CFI: variants seen among roughly 807,000 people sequenced by gnomAD.
The protein encoded by CFI is complement factor I.
A neutral mutation model predicts 78.8 loss-of-function variants in CFI; 66 were observed. The observed-to-expected ratio is 0.84, with a 90% CI of 0.69 to 1.03. CFI has a LOEUF of 1.03. CFI is among the 50% of genes least tolerant of loss of function. The pLI is 0.00. For synonymous variants in CFI, 250 were observed against 232.6 expected (o/e 1.07, Z -0.68); for missense variants, 706 against 704.5 (o/e 1.00, Z -0.02).
chr4:109,766,323 G>A (rs979378940), intron 2 of CFI, among the ~76,000 whole-genome samples: 9 of 152,066 alleles, frequency 5.9e-5, no homozygotes, highest in African/African-American at 1.7e-4. Flanking sequence ...GAGTGGCACC[G>A]GCACTGAAGG....
intron 10 of CFI, among the ~76,000 whole-genome samples, chr4:109,748,297 G>A (rs1724725313): frequency 6.6e-6 from 1 of 152,126 alleles, no homozygotes; most frequent in Non-Finnish European, 1.5e-5. Context: ...GAACCTATAT[G>A]TACCAGGCAC....
intron 1 of CFI, among the ~76,000 whole-genome samples, chr4:109,779,015 C>T (rs2125841134): frequency 6.6e-6 from 1 of 152,286 alleles, no homozygotes; most frequent in East Asian, 1.9e-4. Context: ...GACAAACCCA[C>T]AGCCAATATC....
chr4:109,740,910 A>C lies in CFI; in HGVS notation c.1735T>G (p.Ser579Ala), dbSNP rs1247064439. 2 of 1,614,008 alleles carry C rather than the reference A, an allele frequency of 1.2e-6. No individual in the cohort carries two copies. The highest frequency in any genetic ancestry group is 3.3e-5 in the Admixed American group (2 of 60,020). ...TCACAATTTTATACATTGTACTGAGAAATAAAAGGCCTTCCTACATGGTAG... is the reference window on the plus strand; with the variant it reads ...TCACAATTTTATACATTGTACTGAGCAATAAAAGGCCTTCCTACATGGTAG... ...ISYHVGRPFI[S>A]QYNV The change falls in exon 13 of 13, where the codon TCT (serine) becomes GCT (alanine). Residue 579 changes from serine to alanine, a missense_variant. By Grantham distance (99) the Ser-to-Ala change is moderately conservative. Transcript: ENST00000394634.
At chr4:109,754,587 T>C (rs960228470) in intron 7 of CFI, among the ~76,000 whole-genome samples, 11 of 152,194 alleles carry the variant, frequency 7.2e-5, no homozygotes, top group Middle Eastern at 3.4e-3. Flanking sequence ...GATGAGGATA[T>C]GGCTGGGGAT....
At position 109,740,947 on chromosome 4, in the gene CFI, A is replaced by G; in HGVS notation, c.1698T>C (p.Phe566=). 1.9e-6 allele frequency: 3 copies of G among 1,614,200 alleles called. No individual in the cohort carries two copies. Among genetic ancestry groups the G allele is most frequent in the South Asian group, 2.2e-5 (2 of 91,092 alleles). The part of the protein sequence containing the change: ...PGVYTKVANY[F]DWISYHVGRP... The stretch of plus-strand genomic sequence containing the variant: ...TTCCTACATGGTAGCTAATCCAGTC[A>G]AAATAATTGGCCACTTTGGTGTAAA... The change falls in exon 13 of 13, where the codon TTT becomes TTC. Residue 566 remains phenylalanine, a synonymous_variant. Coordinates refer to ENST00000394634, the MANE Select transcript of CFI (RefSeq NM_000204.5).
Position 109,766,812 on chromosome 4 carries a change from A to T in CFI, c.70T>A (p.Ser24Thr), listed in dbSNP as rs142082904. 1.2e-6 allele frequency: 2 copies of T among 1,614,038 alleles called. No homozygotes were observed. Among genetic ancestry groups the T allele is most frequent in the Non-Finnish European group, 1.7e-6 (2 of 1,180,030 alleles). ...TTTTTCTCCACCAGATCCTCTTGAG[A>T]TGTATAAGTGACCTGTAAAATGCAA... is the stretch of plus-strand genomic sequence containing the variant. ...HLRFCKVTYTSQEDLVEKKCL... is the reference protein window; with the variant it reads ...HLRFCKVTYTTQEDLVEKKCL... The change falls in exon 2 of 13, where the codon TCT becomes ACT. Residue 24 changes from serine to threonine, a missense_variant. Coordinates refer to ENST00000394634, the MANE Select transcript of CFI (RefSeq NM_000204.5).
In CFI at chr4:109,749,266, C is replaced by G. The variant is rs761809946; in HGVS notation, c.1100G>C (p.Gly367Ala). The G allele has an allele frequency of 6.2e-7, 1 of 1,614,148 alleles. No homozygotes were observed. Among genetic ancestry groups the G allele is most frequent in the Admixed American group, 1.7e-5 (1 of 60,004 alleles). Reference sequence around the variant, plus strand: ...AATCCAACAGCCACCAATATAAATTCCCCCACAGGTGATTCCACTGGCATC... The same window carrying G: ...AATCCAACAGCCACCAATATAAATTGCCCCACAGGTGATTCCACTGGCATC... ...IKDASGITCG[G>A]IYIGGCWILT... Residue 367 changes from glycine (G) to alanine (A), a missense_variant, in exon 10 of 13, where the codon GGA (glycine) becomes GCA (alanine). By Grantham distance (60) the Gly-to-Ala change is moderately conservative. Coordinates refer to ENST00000394634, the MANE Select transcript of CFI (RefSeq NM_000204.5).
Position 109,740,808 on chromosome 4 carries a change from A to C in CFI, c.*85T>G. The C allele has an allele frequency of 2.7e-5, 34 of 1,267,706 alleles. No homozygotes were observed. Among genetic ancestry groups the C allele is most frequent in the Non-Finnish European group, 3.5e-5 (31 of 873,404 alleles). The allele number at this position is 1,267,706 out of a possible 1,614,324, so 78.5% of individuals were successfully genotyped here. On this transcript the variant is annotated 3_prime_UTR_variant, in exon 13 of 13. Coordinates refer to ENST00000394634, the MANE Select transcript of CFI (RefSeq NM_000204.5). ...GAGATTTGCTTCATTTTTCCCCCCT[A>C]GAGAATTATTAATTATACCGTTTTA...
intron 7 of CFI, among the ~76,000 whole-genome samples, chr4:109,755,212 T>C (rs1489879428): frequency 6.6e-6 from 1 of 152,118 alleles, no homozygotes; most frequent in Admixed American, 6.5e-5. Context: ...TTGGTTAATA[T>C]AAAAATTGAA....
At chr4:109,746,148 T>C (rs1327084327) in intron 11 of CFI, 74 bp downstream of exon 11, 1 of 1,520,626 alleles carries the variant, frequency 6.6e-7, no homozygotes, top group Non-Finnish European at 9.1e-7. Context: ...TGCTAGGAAA[T>C]TAGCTCCTAT....
intron 1 of CFI, among the ~76,000 whole-genome samples, chr4:109,774,083 T>TAGTAAA (rs1728924524): frequency 6.6e-6 from 1 of 152,248 alleles, no homozygotes; most frequent in South Asian, 2.1e-4. Context: ...AAAAAAATCT[T>TAGTAAA]TACTAATATT....
chr4:109,782,313 G>A lies in CFI; in HGVS notation c.58-15489C>T, dbSNP rs113872434. Among the ~76,000 whole-genome samples the A allele has an allele frequency of 5.3e-3, 802 of 151,324 alleles. 11 individuals are homozygous for A. Among genetic ancestry groups the A allele is most frequent in the African/African-American group, 0.019 (765 of 41,284 alleles). On this transcript the variant is annotated intron_variant, in intron 1 of 12. Transcript: ENST00000394634. The stretch of plus-strand genomic sequence containing the variant: ...CCAGAAAGCTCTAGAACTGATACAA[G>A]AATTTAGTAAAGTTTCTGGATACAA...
At chr4:109,797,242 G>A (rs1732165600) in intron 1 of CFI, among the ~76,000 whole-genome samples, 1 of 152,252 alleles carries the variant, frequency 6.6e-6, no homozygotes, top group Admixed American at 6.5e-5. Context: ...TAGATTCATG[G>A]AACAAAGTAG....
rs146560961 is a variant in CFI, at chr4:109,760,727, A to C, written c.659-91T>G. 2.8e-5 allele frequency: 22 copies of C among 782,802 alleles called. No individual in the cohort carries two copies. The East Asian group carries it at 5.1e-4, about 18-fold the overall frequency. The allele number at this position is 782,802 out of a possible 1,614,324, so 48.5% of individuals were successfully genotyped here. A position where few individuals can be genotyped will look rare whatever the true frequency, so the allele number is the denominator to read the frequency against. On this transcript the variant is annotated intron_variant, in intron 4 of 12. Coordinates refer to ENST00000394634, the MANE Select transcript of CFI (RefSeq NM_000204.5). ...TTTTTGGGATAATGGAGTCATTAAG[A>C]GAAAGTTAAACTTCAAAAAAATGTA...
chr4:109,767,548 C>T (rs1291888634), intron 1 of CFI, among the ~76,000 whole-genome samples: 1 of 151,188 alleles, frequency 6.6e-6, no homozygotes, highest in African/African-American at 2.4e-5. Flanking sequence ...TCATCACTGG[C>T]CATCAGAGAA....
chr4:109,755,513 C>T (rs918970509), intron 7 of CFI, among the ~76,000 whole-genome samples: 6 of 152,086 alleles, frequency 3.9e-5, no homozygotes, highest in African/African-American at 1.4e-4. Flanking sequence ...GAGGGCTCTT[C>T]CCTCATTAAT....
intron 12 of CFI, 170 bp downstream of exon 12, chr4:109,742,321 A>G (rs879717520): frequency 7.8e-6 from 5 of 638,314 alleles, no homozygotes; most frequent in Non-Finnish European, 8.5e-6. Context: ...TATTAGAGGA[A>G]GAAACCTGAG....
intron 11 of CFI, among the ~76,000 whole-genome samples, chr4:109,745,331 C>T (rs1724283666): frequency 6.6e-6 from 1 of 152,090 alleles, no homozygotes; most frequent in Admixed American, 6.6e-5. Context: ...GCTGGGACTA[C>T]AGGTACACAC....
intron 11 of CFI, among the ~76,000 whole-genome samples, chr4:109,744,937 T>C (rs1724229362): frequency 1.3e-5 from 2 of 152,196 alleles, no homozygotes; most frequent in South Asian, 4.1e-4. Flanking sequence ...CACAATACTC[T>C]CTTGATGAAT....
Sources: allele counts gnomAD v4.1 joint callset (sites outside exome capture counted in the v4.1 genomes callset), GRCh38; gene constraint gnomAD v4.1.1; transcripts MANE v1.5; gene names NCBI Gene and HGNC (gene_info 2026-07-23, HGNC 2026-07-21).